The following ATXN2 variants were observed in gnomAD, a reference collection of about 807,000 sequenced individuals.
The protein encoded by ATXN2 is ataxin 2.
ATXN2 carries 37 observed loss-of-function variants against 138.6 expected under a neutral mutation model. The observed-to-expected ratio is 0.27, with a 90% CI of 0.21 to 0.35. ATXN2 has a LOEUF of 0.35. ATXN2 is among the 10% of genes least tolerant of loss of function. The pLI, the probability that ATXN2 is intolerant of heterozygous loss-of-function variation, is 1.00. For missense variants in ATXN2, 1,216 were observed against 1,480.3 expected (o/e 0.82, Z 2.93); for synonymous variants, 549 against 543.7 (o/e 1.01, Z -0.13).
At chr12:111,483,410 C>CA (rs58159636) in intron 18 of ATXN2, among the ~76,000 whole-genome samples, 1,408 of 131,012 alleles carry the variant, frequency 0.011, 18 homozygotes, top group African/African-American at 0.025. Context: ...AACTGGTTGG[C>CA]AAAAAAAAAA....
At chr12:111,578,231 G>A (rs1202930018) in intron 1 of ATXN2, among the ~76,000 whole-genome samples, 3 of 152,176 alleles carry the variant, frequency 2.0e-5, no homozygotes, top group East Asian at 3.9e-4. Context: ...TATCAATTTA[G>A]TGTATCCTAA....
chr12:111,520,218 A>AT (rs1452270405), intron 7 of ATXN2, 142 bp from the exon 8 acceptor site: 8 of 1,098,684 alleles, frequency 7.3e-6, no homozygotes, highest in Non-Finnish European at 1.0e-5. Context: ...ACTAAAAGTT[A>AT]TAGTGATCTG....
chr12:111,489,495 C>T (rs943019112), intron 14 of ATXN2, among the ~76,000 whole-genome samples: 5 of 152,062 alleles, frequency 3.3e-5, no homozygotes, highest in Non-Finnish European at 5.9e-5. Flanking sequence ...CGCCTATAGT[C>T]CCTGCTACTC....
intron 5 of ATXN2, among the ~76,000 whole-genome samples, chr12:111,526,346 C>A (rs987667180): frequency 1.3e-5 from 2 of 150,804 alleles, no homozygotes; most frequent in African/African-American, 2.4e-5. Flanking sequence ...CAGAGTGAGA[C>A]CCTGTCTCAA....
At chr12:111,456,377 G>C (rs1359979977) in intron 22 of ATXN2, 121 bp from the exon 23 acceptor site, 1 of 1,042,212 alleles carries the variant, frequency 9.6e-7, no homozygotes. Flanking sequence ...GAAAGTACAG[G>C]AGAATGTACA....
At chr12:111,592,108 G>A (rs967351213) in intron 1 of ATXN2, among the ~76,000 whole-genome samples, 2 of 150,386 alleles carry the variant, frequency 1.3e-5, no homozygotes, top group African/African-American at 4.9e-5. Context: ...AGCTCATGAG[G>A]CTGGGCGGGG....
intron 5 of ATXN2, among the ~76,000 whole-genome samples, chr12:111,534,406 A>C (rs951732358): frequency 6.6e-6 from 1 of 152,146 alleles, no homozygotes; most frequent in African/African-American, 2.4e-5. Context: ...CGTATATAAA[A>C]AATATATACA....
intron 1 of ATXN2, among the ~76,000 whole-genome samples, chr12:111,583,766 CAAAA>C (rs748838859): frequency 3.4e-5 from 2 of 58,118 alleles, no homozygotes; most frequent in Non-Finnish European, 2.9e-5. Flanking sequence ...GACTCCGACT[CAAAA>C]AAAAAAAAAA....
chr12:111,465,638 C>T (rs1395532011), intron 20 of ATXN2, among the ~76,000 whole-genome samples: 21 of 151,524 alleles, frequency 1.4e-4, no homozygotes, highest in Admixed American at 9.9e-4. Context: ...GTCGTGGTGG[C>T]GCACACCTGT....
At position 111,552,047 on chromosome 12, in the gene ATXN2, A is replaced by T. The variant is rs1882151902; in HGVS notation, c.571+233T>A. ...CGCACGCCACCACACACAAAAATAA[A>T]TTTTTGTATTTTTAGTAGAGACGGG... On this transcript the variant is annotated intron_variant, in intron 5 of 24. Transcript: ENST00000673436. The surrounding 1 kb of genome is among the most constrained non-coding windows in gnomAD (Gnocchi z 4.1). Among the ~76,000 whole-genome samples, 1 of 151,854 alleles carries T rather than the reference A, an allele frequency of 6.6e-6. No individual in the cohort carries two copies. The highest frequency in any genetic ancestry group is 2.4e-5 in the African/African-American group (1 of 41,320).
chr12:111,480,485 A>C (rs1877149924), intron 18 of ATXN2, among the ~76,000 whole-genome samples: 1 of 152,054 alleles, frequency 6.6e-6, no homozygotes, highest in Non-Finnish European at 1.5e-5. Flanking sequence ...GACCAGCCTG[A>C]CCAACACGGT....
intron 1 of ATXN2, among the ~76,000 whole-genome samples, chr12:111,586,863 C>T (rs1359594477): frequency 1.3e-5 from 2 of 152,096 alleles, no homozygotes; most frequent in African/African-American, 2.4e-5. Flanking sequence ...TTTCTCATTG[C>T]TGTTAATATA....
At chr12:111,527,771 T>C (rs990091294) in intron 5 of ATXN2, among the ~76,000 whole-genome samples, 3 of 152,224 alleles carry the variant, frequency 2.0e-5, no homozygotes, top group Non-Finnish European at 4.4e-5. Context: ...AAGAGACTAA[T>C]GCTATCTTAC....
chr12:111,577,451 G>A (rs1187800086), intron 1 of ATXN2, among the ~76,000 whole-genome samples: 1 of 151,476 alleles, frequency 6.6e-6, no homozygotes, highest in Non-Finnish European at 1.5e-5. Flanking sequence ...ATTTTTAGTA[G>A]AGACGGGGTT....
chr12:111,459,575 G>C (rs2283357), intron 21 of ATXN2, among the ~76,000 whole-genome samples: 30,787 of 151,838 alleles, frequency 0.2, 3,244 homozygotes, highest in East Asian at 0.33. Context: ...CGAGTAGCTG[G>C]AACTATAGGC....
chr12:111,510,257 C>T, intron 12 of ATXN2, 128 bp downstream of exon 12: 3 of 1,082,856 alleles, frequency 2.8e-6, no homozygotes, highest in Non-Finnish European at 4.0e-6. Context: ...TTTACATAAA[C>T]TTTTAAATGT....
At chr12:111,462,973 T>TACACAC (rs201023351) in intron 21 of ATXN2, among the ~76,000 whole-genome samples, 7 of 136,574 alleles carry the variant, frequency 5.1e-5, no homozygotes, top group East Asian at 1.4e-3. Flanking sequence ...CATATATATA[T>TACACAC]ATATACACAC....
At chr12:111,555,999 T>A in intron 1 of ATXN2, 80 bp from the exon 2 acceptor site, 1 of 1,161,232 alleles carries the variant, frequency 8.6e-7, no homozygotes, top group African/African-American at 1.6e-5. Context: ...AAAATATAAT[T>A]CCATTCAAAT....
Position 111,509,884 on chromosome 12 carries a change from C to T in ATXN2, c.1864+7G>A, listed in dbSNP as rs772321893. The T allele has an allele frequency of 8.2e-6, 13 of 1,590,364 alleles. No individual in the cohort carries two copies. In the Admixed American group the frequency reaches 1.5e-4, roughly 18 times the overall value. On this transcript the variant is annotated splice_region_variant and intron_variant, in intron 13 of 24. Transcript: ENST00000673436. The stretch of plus-strand genomic sequence containing the variant: ...CAGTTAAGCTTAATGACTCTTTAAA[C>T]TCTAACCTTTGTTTTCAGCTTTTGA...
Sources: gnomAD v4.1 joint callset for allele counts (sites outside exome capture counted in the v4.1 genomes callset) on GRCh38, gnomAD v4.1.1 for gene constraint, Gnocchi (gnomAD v3.1) non-coding constraint, MANE v1.5 for transcripts, NCBI Gene and HGNC (gene_info 2026-07-23, HGNC 2026-07-21) for gene names.